The following TDRD3 variants were observed in gnomAD, a reference collection of about 807,000 sequenced individuals.
TDRD3 encodes tudor domain-containing protein 3.
Under a neutral mutation model 86.7 loss-of-function variants are expected in TDRD3, and 45 were observed. The ratio of observed to expected loss-of-function variants is 0.52; its 90% CI spans 0.41 to 0.67. TDRD3 has a LOEUF of 0.67. TDRD3 is among the 30% of genes least tolerant of loss of function. The pLI is 0.00. For synonymous variants in TDRD3, 298 were observed against 301.7 expected (o/e 0.99, Z 0.13); for missense variants, 814 against 889.0 (o/e 0.92, Z 1.07).
At chr13:60,498,785 T>C (rs1956770875) in intron 8 of TDRD3, among the ~76,000 whole-genome samples, 1 of 152,076 alleles carries the variant, frequency 6.6e-6, no homozygotes, top group Non-Finnish European at 1.5e-5. Context: ...GAAAGAGAAA[T>C]GATCAAACGT....
At chr13:60,464,796 G>C (rs956744727) in intron 4 of TDRD3, among the ~76,000 whole-genome samples, 10 of 152,062 alleles carry the variant, frequency 6.6e-5, no homozygotes, top group Non-Finnish European at 1.0e-4. Flanking sequence ...GAAGGATAGT[G>C]GGGAGTGAGT....
intron 13 of TDRD3, among the ~76,000 whole-genome samples, chr13:60,572,086 TGAGTG>T (rs1392426102): frequency 6.6e-6 from 1 of 152,158 alleles, no homozygotes; most frequent in Non-Finnish European, 1.5e-5. Context: ...GTTTCTGACA[TGAGTG>T]GAGTCCTAGG....
In TDRD3 at chr13:60,479,608, C is replaced by A. The variant is rs1956269066; in HGVS notation, c.496-4167C>A. Among the ~76,000 whole-genome samples the A allele has an allele frequency of 2.6e-5, 4 of 152,146 alleles. No homozygotes were observed. The South Asian group carries it at 8.3e-4, about 32-fold the overall frequency. On this transcript the variant is annotated intron_variant, in intron 5 of 13. Transcript: ENST00000377881. ...CTTTCAGTGGTATGTTGAAATCTCT[C>A]ACTATTATTGTGTTTGTCTAAGTCT...
chr13:60,424,123 G>T (rs1252454589), intron 1 of TDRD3, among the ~76,000 whole-genome samples: 1 of 151,898 alleles, frequency 6.6e-6, no homozygotes, highest in African/African-American at 2.4e-5. Flanking sequence ...CCGGGTTCAC[G>T]CCATTCTCCT....
At chr13:60,462,121 A>G (rs990860746) in intron 4 of TDRD3, among the ~76,000 whole-genome samples, 1 of 152,190 alleles carries the variant, frequency 6.6e-6, no homozygotes, top group African/African-American at 2.4e-5. Flanking sequence ...TTGTGATTAT[A>G]TTCTCTTCTT....
intron 5 of TDRD3, among the ~76,000 whole-genome samples, chr13:60,480,592 G>A (rs1956287795): frequency 6.6e-6 from 1 of 152,170 alleles, no homozygotes; most frequent in African/African-American, 2.4e-5. Flanking sequence ...TTTCCAAGTT[G>A]CTTGTTCTCT....
intron 12 of TDRD3, among the ~76,000 whole-genome samples, chr13:60,558,370 T>C (rs1462829363): frequency 6.6e-6 from 1 of 152,220 alleles, no homozygotes; most frequent in African/African-American, 2.4e-5. Context: ...TTGTGATTAG[T>C]GCTCATATGT....
intron 3 of TDRD3, among the ~76,000 whole-genome samples, chr13:60,458,329 G>GTAA (rs763260943): frequency 8.5e-5 from 13 of 152,282 alleles, no homozygotes; most frequent in South Asian, 2.1e-4. Flanking sequence ...ACTAGGTAAT[G>GTAA]TAATGCATGT....
At chr13:60,491,463 C>T (rs1487855798) in intron 7 of TDRD3, among the ~76,000 whole-genome samples, 1 of 152,154 alleles carries the variant, frequency 6.6e-6, no homozygotes, top group East Asian at 1.9e-4. Context: ...AACCCTGTAA[C>T]ACTTCAATTT....
intron 3 of TDRD3, among the ~76,000 whole-genome samples, chr13:60,448,218 T>G (rs1389682492): frequency 2.0e-5 from 3 of 152,068 alleles, no homozygotes; most frequent in Admixed American, 6.6e-5. Flanking sequence ...TAAGAAAGAT[T>G]GTAAGTCTGC....
intron 1 of TDRD3, among the ~76,000 whole-genome samples, chr13:60,407,160 A>C (rs1055800329): frequency 2.6e-5 from 4 of 152,244 alleles, no homozygotes; most frequent in Non-Finnish European, 5.9e-5. Context: ...TTAGGTGTCC[A>C]TAACATTGAT....
intron 1 of TDRD3, among the ~76,000 whole-genome samples, chr13:60,427,996 T>C (rs1459808435): frequency 6.6e-6 from 1 of 152,068 alleles, no homozygotes; most frequent in Non-Finnish European, 1.5e-5. Flanking sequence ...AAAATGTCTT[T>C]GGAGCTGTTC....
chr13:60,438,936 A>C (rs186642269), intron 1 of TDRD3, among the ~76,000 whole-genome samples: 2 of 152,238 alleles, frequency 1.3e-5, no homozygotes, highest in East Asian at 3.9e-4. Flanking sequence ...TTGATGGTTG[A>C]TTTTAGAATT....
Position 60,397,317 on chromosome 13 carries a change from C to T in TDRD3, c.-48C>T. 1 of 1,132,996 alleles carries T rather than the reference C, an allele frequency of 8.8e-7. No homozygotes were observed. Among genetic ancestry groups the T allele is most frequent in the Non-Finnish European group, 1.2e-6 (1 of 828,064 alleles). The allele number at this position is 1,132,996 out of a possible 1,614,324, so 70.2% of individuals were successfully genotyped here. The stretch of plus-strand genomic sequence containing the variant: ...GGGGGTCTCAAGTAGGAGGCCTCCC[C>T]ATCACCCCCACCCCAGCCCCCCACC... On this transcript the variant is annotated 5_prime_UTR_variant, in exon 1 of 14. Transcript: ENST00000377881.
At chr13:60,474,783 G>A (rs185574017) in intron 5 of TDRD3, among the ~76,000 whole-genome samples, 2 of 151,872 alleles carry the variant, frequency 1.3e-5, no homozygotes. Context: ...TACCATTTCC[G>A]TCCCTCTCTC....
At position 60,501,994 on chromosome 13, in the gene TDRD3, G is replaced by T. The variant is rs115349817; in HGVS notation, c.858+7419G>T. ...TGTCTGATATTCCAGTTAGAAGGTG[G>T]TAACGTGTATAACCCTACTGCAAAT... On this transcript the variant is annotated intron_variant, in intron 8 of 13. Coordinates refer to ENST00000377881, the MANE Select transcript of TDRD3 (RefSeq NM_001146070.2). 7.1e-3 allele frequency among the ~76,000 whole-genome samples: 1,085 copies of T among 152,274 alleles called. 13 individuals carry two copies. Among genetic ancestry groups the T allele is most frequent in the African/African-American group, 0.024 (1,017 of 41,542 alleles).
chr13:60,432,021 T>C (rs951211665), intron 1 of TDRD3, among the ~76,000 whole-genome samples: 1 of 152,058 alleles, frequency 6.6e-6, no homozygotes, highest in Admixed American at 6.5e-5. Flanking sequence ...CAATGTGGGA[T>C]AGGAAGTGGC....
intron 12 of TDRD3, among the ~76,000 whole-genome samples, chr13:60,557,154 C>T (rs1443998363): frequency 1.4e-5 from 2 of 144,358 alleles, no homozygotes; most frequent in East Asian, 2.1e-4. Context: ...TGCGGTGAGC[C>T]GAGATTGTGC....
intron 12 of TDRD3, among the ~76,000 whole-genome samples, chr13:60,546,937 T>A (rs1957952752): frequency 6.6e-6 from 1 of 152,134 alleles, no homozygotes; most frequent in African/African-American, 2.4e-5. Context: ...TATCAAAGAA[T>A]AAGAAAATTA....
Sources: gnomAD v4.1 joint callset for allele counts (sites outside exome capture counted in the v4.1 genomes callset) on GRCh38, gnomAD v4.1.1 for gene constraint, MANE v1.5 for transcripts, NCBI Gene and HGNC (gene_info 2026-07-23, HGNC 2026-07-21) for gene names.